The following SORD variants were observed in gnomAD, a reference collection of about 807,000 sequenced individuals.
SORD encodes the protein (R,R)-butanediol dehydrogenase.
A neutral mutation model predicts 35.6 loss-of-function variants in SORD; 18 were observed. The observed-to-expected ratio is 0.51, with a 90% CI of 0.35 to 0.75. The LOEUF (loss-of-function observed/expected upper bound fraction) is 0.75, where lower values mean the gene tolerates loss of function less well. Among genes scored for constraint, SORD ranks in the 30% least tolerant of loss-of-function variants. SORD has a pLI of 0.01. For synonymous variants in SORD, 106 were observed against 152.9 expected, an observed-to-expected ratio of 0.69 and a Z score of 2.26; for missense variants, 250 against 390.2, an observed-to-expected ratio of 0.64 and a Z score of 3.03.
intron 8 of SORD, among the ~76,000 whole-genome samples, chr15:45,072,981 T>C (rs1893536732): frequency 1.5e-5 from 2 of 134,726 alleles, no homozygotes; most frequent in Non-Finnish European, 3.0e-5. Context: ...CTCCATGCCC[T>C]CATCAGGGCG....
intron 5 of SORD, 83 bp from the exon 6 acceptor site, chr15:45,068,098 A>C: frequency 9.7e-7 from 1 of 1,032,442 alleles, no homozygotes. Context: ...CACAAAAGAT[A>C]TGGTTCCTAT....
At chr15:45,047,771 G>A (rs1292182673) in intron 3 of SORD, among the ~76,000 whole-genome samples, 1 of 152,190 alleles carries the variant, frequency 6.6e-6, no homozygotes, top group African/African-American at 2.4e-5. Context: ...ATTCAGCCGT[G>A]TTGGTCTCCA....
chr15:45,054,528 G>A (rs1893181489), intron 3 of SORD, among the ~76,000 whole-genome samples: 1 of 152,194 alleles, frequency 6.6e-6, no homozygotes, highest in African/African-American at 2.4e-5. Context: ...TGAGTTCATT[G>A]TAGATGCTGG....
intron 1 of SORD, among the ~76,000 whole-genome samples, chr15:45,034,217 G>C (rs973187650): frequency 6.6e-6 from 1 of 151,966 alleles, no homozygotes; most frequent in African/African-American, 2.4e-5. Context: ...GGAGGAAATT[G>C]GGGCACACAG....
At chr15:45,036,512 T>G (rs1892869329) in intron 1 of SORD, among the ~76,000 whole-genome samples, 1 of 152,084 alleles carries the variant, frequency 6.6e-6, no homozygotes, top group African/African-American at 2.4e-5. Flanking sequence ...GCCAACATGG[T>G]GAAACTCCGT....
chr15:45,035,189 C>T (rs1225207326), intron 1 of SORD, among the ~76,000 whole-genome samples: 6 of 152,174 alleles, frequency 3.9e-5, no homozygotes. Context: ...GCGCCCAATC[C>T]CATCGACCAC....
chr15:45,036,797 A>G (rs767077560), intron 1 of SORD, among the ~76,000 whole-genome samples: 1 of 152,192 alleles, frequency 6.6e-6, no homozygotes, highest in Non-Finnish European at 1.5e-5. Context: ...GGAATGAGAA[A>G]AAAAAGAGCT....
At chr15:45,027,200 A>T (rs1334720208) in intron 1 of SORD, among the ~76,000 whole-genome samples, 2 of 152,226 alleles carry the variant, frequency 1.3e-5, no homozygotes, top group African/African-American at 4.8e-5. Flanking sequence ...AGTTGGAGGG[A>T]GGAAAAGGGA....
At chr15:45,029,373 T>TACAGAAGGG (rs1333026201) in intron 1 of SORD, among the ~76,000 whole-genome samples, 1 of 152,264 alleles carries the variant, frequency 6.6e-6, no homozygotes, top group African/African-American at 2.4e-5. Context: ...TCGCCAGACC[T>TACAGAAGGG]GTGGAGTACT....
At chr15:45,067,608 G>A (rs1893427845) in intron 5 of SORD, among the ~76,000 whole-genome samples, 1 of 152,106 alleles carries the variant, frequency 6.6e-6, no homozygotes, top group East Asian at 1.9e-4. Flanking sequence ...GTGTCACATA[G>A]CATGCAGATA....
chr15:45,063,487 G>A (rs894245944), intron 4 of SORD, among the ~76,000 whole-genome samples: 5 of 151,922 alleles, frequency 3.3e-5, no homozygotes, highest in African/African-American at 9.7e-5. Flanking sequence ...GTTTTCCCAA[G>A]GTCAGTGGCA....
chr15:45,059,049 G>A (rs1386998587), intron 3 of SORD, among the ~76,000 whole-genome samples: 1 of 152,082 alleles, frequency 6.6e-6, no homozygotes, highest in Non-Finnish European at 1.5e-5. Flanking sequence ...GAGAACCAAG[G>A]CATTTCTATG....
At chr15:45,055,974 T>C (rs1222396137) in intron 3 of SORD, among the ~76,000 whole-genome samples, 1 of 151,812 alleles carries the variant, frequency 6.6e-6, no homozygotes, top group Non-Finnish European at 1.5e-5. Context: ...AAATTAGGTA[T>C]TGATGGGACG....
chr15:45,041,414 G>A (rs1892963958), intron 2 of SORD, among the ~76,000 whole-genome samples: 1 of 151,960 alleles, frequency 6.6e-6, no homozygotes, highest in South Asian at 2.1e-4. Context: ...TTCTGCCCTT[G>A]AGGAGTTGGG....
At chr15:45,040,338 T>TA (rs1892946183) in intron 1 of SORD, 70 bp from the exon 2 acceptor site, 1 of 951,698 alleles carries the variant, frequency 1.1e-6, no homozygotes, top group Middle Eastern at 2.2e-4. Context: ...TAATTGTTTT[T>TA]AATGGAAAAT....
At chr15:45,066,866 C>G (rs929010727) in intron 5 of SORD, among the ~76,000 whole-genome samples, 3 of 152,096 alleles carry the variant, frequency 2.0e-5, no homozygotes, top group African/African-American at 7.2e-5. Flanking sequence ...GATCCAGTAC[C>G]TTTTTACCAT....
chr15:45,068,842 G>C lies in SORD; in HGVS notation c.611-35G>C, dbSNP rs1279379883. On this transcript the variant is annotated intron_variant, in intron 6 of 8. Coordinates refer to ENST00000267814, the MANE Select transcript of SORD (RefSeq NM_003104.6). ...ATGAGTCATCAGATTTCTCTTGTTT[G>C]AAAGAATTTTTTTTTTTTTTTTTTT... 5 of 1,372,594 alleles carry C rather than the reference G, an allele frequency of 3.6e-6. No individual in the cohort carries two copies. In the African/African-American group the frequency reaches 7.1e-5, roughly 19 times the overall value. 85.0% of individuals were successfully genotyped at this position (1,372,594 alleles called of 1,614,324 possible). A position where few individuals can be genotyped will look rare whatever the true frequency, so the allele number is the denominator to read the frequency against.
intron 2 of SORD, chr15:45,042,499 A>AAAAAAAATAAAT (rs1555409490): frequency 6.6e-6 from 1 of 150,658 alleles, no homozygotes; most frequent in African/African-American, 2.5e-5. Flanking sequence ...CTAAAAATAA[A>AAAAAAAATAAAT]AAATAAATAA....
Position 45,068,996 on chromosome 15 carries a change from C to G in SORD, c.730C>G (p.Pro244Ala). 6.2e-7 allele frequency: 1 copy of G among 1,611,226 alleles called. No homozygotes were observed. Among genetic ancestry groups the G allele is most frequent in the Middle Eastern group, 1.7e-4 (1 of 6,060 alleles). ...AGTAGAAGGTCAGCTGGGGTGCAAGCCGGAAGTCACCATCGAGTGCACGGG... is the reference window on the plus strand; with the variant it reads ...AGTAGAAGGTCAGCTGGGGTGCAAGGCGGAAGTCACCATCGAGTGCACGGG... ...RKVEGQLGCK[P>A]EVTIECTGAE... Residue 244 changes from proline (P) to alanine (A), a missense_variant, in exon 7 of 9, where the codon CCG (proline) becomes GCG (alanine). This residue lies in a region of SORD where 44 missense variants were observed against 54.5 expected (regional missense o/e 0.81). Transcript: ENST00000267814.
Sources: allele counts gnomAD v4.1 joint callset (sites outside exome capture counted in the v4.1 genomes callset), GRCh38; gene constraint gnomAD v4.1.1; regional missense constraint gnomAD v4.1.1; transcripts MANE v1.5; gene names NCBI Gene and HGNC (gene_info 2026-07-23, HGNC 2026-07-21).